The following PTPRD variants were observed in gnomAD, a reference collection of about 807,000 sequenced individuals.
PTPRD encodes protein tyrosine phosphatase receptor type D.
In PTPRD, 34 loss-of-function variants were observed where a neutral mutation model predicts 214.5. The observed-to-expected ratio is 0.16, with a 90% CI of 0.12 to 0.21. The LOEUF is 0.21. Ranked by LOEUF, PTPRD falls within the 10% of genes least tolerant of loss-of-function variation. PTPRD has a pLI of 1.00. For synonymous variants in PTPRD, 1,128 were observed against 845.7 expected (o/e 1.33, Z -5.79); for missense variants, 2,545 against 2,398.7 (o/e 1.06, Z -1.27).
intron 42 of PTPRD, 71 bp from the exon 43 acceptor site, chr9:8,339,118 TATCTA>T (rs1849834562): frequency 1.5e-6 from 2 of 1,361,242 alleles, no homozygotes; most frequent in South Asian, 1.7e-5. Context: ...TCTATCTATC[TATCTA>T]ATCTATCTAA....
At chr9:9,787,245 C>T (rs574756505) in intron 5 of PTPRD, among the ~76,000 whole-genome samples, 79 of 151,120 alleles carry the variant, frequency 5.2e-4, no homozygotes, top group Non-Finnish European at 9.7e-4. Flanking sequence ...AACAGTACTA[C>T]ACAACAGTGA....
At chr9:10,463,760 G>C (rs191288884) in intron 2 of PTPRD, among the ~76,000 whole-genome samples, 1 of 151,870 alleles carries the variant, frequency 6.6e-6, no homozygotes, top group Admixed American at 6.6e-5. Flanking sequence ...CAAAAAAGAG[G>C]TGTGATCCAA....
At chr9:9,951,857 G>A (rs116351183) in intron 4 of PTPRD, among the ~76,000 whole-genome samples, 2 of 152,182 alleles carry the variant, frequency 1.3e-5, no homozygotes, top group Non-Finnish European at 2.9e-5. Flanking sequence ...TAAGGTGGCG[G>A]AGCAATGTAA....
chr9:9,685,529 T>A (rs2097151765), intron 7 of PTPRD, among the ~76,000 whole-genome samples: 2 of 151,334 alleles, frequency 1.3e-5, no homozygotes, highest in South Asian at 4.1e-4. Flanking sequence ...TTGAACTTAA[T>A]TTTTTCTGGC....
chr9:10,520,749 C>A (rs965576022), intron 2 of PTPRD, among the ~76,000 whole-genome samples: 2 of 151,976 alleles, frequency 1.3e-5, no homozygotes, highest in African/African-American at 4.8e-5. Context: ...TATCCTAGGG[C>A]CCATTAGAAT....
At chr9:10,482,072 A>AT (rs2099101204) in intron 2 of PTPRD, among the ~76,000 whole-genome samples, 1 of 152,038 alleles carries the variant, frequency 6.6e-6, no homozygotes, top group South Asian at 2.1e-4. Context: ...AGAAAATAAG[A>AT]TAAAAAAAAC....
intron 5 of PTPRD, among the ~76,000 whole-genome samples, chr9:9,885,791 C>T (rs982406240): frequency 3.3e-5 from 5 of 151,814 alleles, no homozygotes; most frequent in Admixed American, 1.3e-4. Flanking sequence ...ATCTCCAGAA[C>T]TGTAAGATAG....
At chr9:9,700,997 C>T (rs911959661) in intron 7 of PTPRD, among the ~76,000 whole-genome samples, 1 of 151,678 alleles carries the variant, frequency 6.6e-6, no homozygotes, top group Non-Finnish European at 1.5e-5. Flanking sequence ...ACTTCATTCC[C>T]CTAGAAGTCA....
At chr9:9,154,006 C>T (rs747618311) in intron 10 of PTPRD, among the ~76,000 whole-genome samples, 4 of 152,104 alleles carry the variant, frequency 2.6e-5, no homozygotes, top group Non-Finnish European at 4.4e-5. Flanking sequence ...GATAGCATCA[C>T]GTATTTTGGC....
intron 11 of PTPRD, among the ~76,000 whole-genome samples, chr9:8,946,628 C>A (rs2099066210): frequency 1.3e-5 from 2 of 152,062 alleles, no homozygotes; most frequent in Non-Finnish European, 2.9e-5. Context: ...ATGGGGGATT[C>A]TTCTTTGTCT....
At chr9:10,257,366 G>C (rs2498619) in intron 3 of PTPRD, among the ~76,000 whole-genome samples, 1 of 151,980 alleles carries the variant, frequency 6.6e-6, no homozygotes, top group Non-Finnish European at 1.5e-5. Context: ...GGTACTGGTA[G>C]AGAAAGGCTC....
chr9:8,604,123 T>C (rs2095054302), intron 14 of PTPRD, among the ~76,000 whole-genome samples: 1 of 152,206 alleles, frequency 6.6e-6, no homozygotes, highest in South Asian at 2.1e-4. Context: ...TGCCCAGTAC[T>C]GTTGTTGTAA....
At chr9:10,051,577 T>A (rs528799873) in intron 3 of PTPRD, among the ~76,000 whole-genome samples, 1 of 151,920 alleles carries the variant, frequency 6.6e-6, no homozygotes, top group Non-Finnish European at 1.5e-5. Context: ...ATTAGGTATA[T>A]CTCCTAATGC....
At chr9:10,034,067 A>G (rs2097132438) in intron 3 of PTPRD, among the ~76,000 whole-genome samples, 1 of 152,112 alleles carries the variant, frequency 6.6e-6, no homozygotes, top group South Asian at 2.1e-4. Context: ...AAAGCAATCT[A>G]CAGATTAAAT....
At chr9:9,528,926 CT>C (rs2074805643) in intron 8 of PTPRD, among the ~76,000 whole-genome samples, 1 of 146,114 alleles carries the variant, frequency 6.8e-6, no homozygotes, top group Non-Finnish European at 1.5e-5. Flanking sequence ...CAGTTTCTTT[CT>C]TTGTTTGTTT....
intron 10 of PTPRD, among the ~76,000 whole-genome samples, chr9:9,073,717 T>C (rs912045790): frequency 6.6e-6 from 1 of 152,166 alleles, no homozygotes; most frequent in Non-Finnish European, 1.5e-5. Context: ...CCCACAATTA[T>C]GTAAATCAAT....
chr9:9,867,721 T>C (rs894894345), intron 5 of PTPRD, among the ~76,000 whole-genome samples: 26 of 152,122 alleles, frequency 1.7e-4, no homozygotes, highest in African/African-American at 5.8e-4. Flanking sequence ...AAACCTATTG[T>C]TTTCTCTTAG....
intron 3 of PTPRD, among the ~76,000 whole-genome samples, chr9:10,222,958 G>C (rs1014598442): frequency 2.6e-5 from 4 of 152,038 alleles, no homozygotes; most frequent in Non-Finnish European, 5.9e-5. Context: ...GGTCAGAAGA[G>C]GTGTTGAGGT....
chr9:8,696,078 A>G (rs904746683), intron 12 of PTPRD, among the ~76,000 whole-genome samples: 1 of 152,242 alleles, frequency 6.6e-6, no homozygotes, highest in Non-Finnish European at 1.5e-5. Flanking sequence ...GAGGCGCTCC[A>G]GAAACTGGAT....
Sources: allele counts gnomAD v4.1 joint callset (sites outside exome capture counted in the v4.1 genomes callset), GRCh38; gene constraint gnomAD v4.1.1; transcripts MANE v1.5; gene names NCBI Gene and HGNC (gene_info 2026-07-23, HGNC 2026-07-21).